The following HIBCH variants were observed in gnomAD, a reference collection of about 807,000 sequenced individuals.
HIBCH encodes the protein 3-hydroxyisobutyryl-CoA hydrolase, mitochondrial.
A neutral mutation model predicts 58.2 loss-of-function variants in HIBCH; 50 were observed. That is an observed-to-expected ratio of 0.86 (90% CI 0.68 to 1.09). The LOEUF (loss-of-function observed/expected upper bound fraction) is 1.09, where lower values mean the gene tolerates loss of function less well. Ranked by LOEUF, HIBCH falls within the 50% of genes least tolerant of loss-of-function variation. The pLI is 0.00. For missense variants in HIBCH, 450 were observed against 449.7 expected (o/e 1.00, Z -0.01); for synonymous variants, 151 against 146.9 (o/e 1.03, Z -0.20).
At chr2:190,195,967 TATGG>T (rs1336003417) in intron 1 of HIBCH, among the ~76,000 whole-genome samples, 1 of 97,190 alleles carries the variant, frequency 1.0e-5, no homozygotes, top group Non-Finnish European at 2.4e-5. Context: ...TTTTTTGGCA[TATGG>T]ATGATTTGTT....
At chr2:190,199,728 GA>G (rs1690155214), downstream of HIBCH, 2 of 1,488,846 alleles carry the variant, frequency 1.3e-6, no homozygotes, top group Non-Finnish European at 1.8e-6. Flanking sequence ...TGGTGAAAGG[GA>G]ACATTGATTA....
At chr2:190,255,848 AGT>A (rs374897608) in intron 7 of HIBCH, among the ~76,000 whole-genome samples, 19 of 151,066 alleles carry the variant, frequency 1.3e-4, no homozygotes, top group South Asian at 1.0e-3. Flanking sequence ...AGAGAGAGAG[AGT>A]GTGTGTGTGT....
intron 1 of HIBCH, among the ~76,000 whole-genome samples, chr2:190,195,451 G>C (rs1488826118): frequency 6.6e-6 from 1 of 152,196 alleles, no homozygotes; most frequent in Non-Finnish European, 1.5e-5. Context: ...CAGTGAATGA[G>C]AGTTCTGTTG....
chr2:190,207,065 T>C lies in HIBCH; in HGVS notation c.1045+1815A>G, dbSNP rs1690409173. Among the ~76,000 whole-genome samples the C allele has an allele frequency of 6.6e-6, 1 of 152,136 alleles. No homozygotes were observed. Among genetic ancestry groups the C allele is most frequent in the Admixed American group, 6.6e-5 (1 of 15,264 alleles). On this transcript the variant is annotated intron_variant, in intron 13 of 13. Coordinates refer to ENST00000359678, the MANE Select transcript of HIBCH (RefSeq NM_014362.4). This position sits in a 1 kb window ranked among gnomAD's most constrained non-coding sequence, Gnocchi z 4.5. Reference sequence around the variant, plus strand: ...TGAACCCGGGAGGCGGAGTTTGCAGTGAGCCGAGATTTTGCCACTGCTCTC... The same window carrying C: ...TGAACCCGGGAGGCGGAGTTTGCAGCGAGCCGAGATTTTGCCACTGCTCTC...
chr2:190,241,455 G>C (rs2105929914), intron 11 of HIBCH, among the ~76,000 whole-genome samples: 1 of 152,266 alleles, frequency 6.6e-6, no homozygotes, highest in South Asian at 2.1e-4. Context: ...GGTGCATTTA[G>C]CCCATTTACA....
intron 7 of HIBCH, among the ~76,000 whole-genome samples, chr2:190,252,808 G>A (rs1686811916): frequency 6.6e-6 from 1 of 152,120 alleles, no homozygotes; most frequent in South Asian, 2.1e-4. Flanking sequence ...CCTACTAAAT[G>A]AACAGGTTTA....
rs1332915547 is a variant in HIBCH, at chr2:190,281,993, A to G, written c.438+5593T>C. On this transcript the variant is annotated intron_variant, in intron 6 of 13. Coordinates refer to ENST00000359678, the MANE Select transcript of HIBCH (RefSeq NM_014362.4). The surrounding 1 kb of genome is among the most constrained non-coding windows in gnomAD (Gnocchi z 5.4). ...CATTACTGTCCATATTTCTATTAGC[A>G]TTCTGCCCATGACCACTTAAATAAT... Among the ~76,000 whole-genome samples, 1 of 152,130 alleles carries G rather than the reference A, an allele frequency of 6.6e-6. No homozygotes were observed. The highest frequency in any genetic ancestry group is 2.4e-5 in the African/African-American group (1 of 41,430).
At chr2:190,282,763 A>T (rs1437754034) in intron 6 of HIBCH, among the ~76,000 whole-genome samples, 1 of 152,096 alleles carries the variant, frequency 6.6e-6, no homozygotes. Flanking sequence ...TTCAACGGCT[A>T]TACAAGATGT....
chr2:190,297,951 C>T (rs1049758959), intron 2 of HIBCH, among the ~76,000 whole-genome samples: 17 of 150,578 alleles, frequency 1.1e-4, no homozygotes, highest in African/African-American at 4.2e-4. Context: ...TTCCTTTCCC[C>T]GTGTCTGTGT....
intron 11 of HIBCH, among the ~76,000 whole-genome samples, chr2:190,226,734 C>A (rs572896885): frequency 7.0e-4 from 107 of 152,134 alleles, no homozygotes; most frequent in South Asian, 1.0e-3. Flanking sequence ...GCAAAGTCTC[C>A]GGATACAAAA....
intron 6 of HIBCH, among the ~76,000 whole-genome samples, chr2:190,272,512 T>C (rs1320798745): frequency 6.6e-6 from 1 of 152,126 alleles, no homozygotes; most frequent in African/African-American, 2.4e-5. Context: ...CAAACCAACA[T>C]GGTCAGGGCA....
At position 190,207,025 on chromosome 2, in the gene HIBCH, G is replaced by A. The variant is rs1261671895; in HGVS notation, c.1046-1793C>T. On this transcript the variant is annotated intron_variant, in intron 13 of 13. Transcript: ENST00000359678. This position sits in a 1 kb window ranked among gnomAD's most constrained non-coding sequence, Gnocchi z 4.5. ...TAGTCCCAGCTACTCGGGAGGCTGA[G>A]GCAGGAGAATGGTGTGAACCCGGGA... is the stretch of plus-strand genomic sequence containing the variant. Among the ~76,000 whole-genome samples, 1 of 152,104 alleles carries A rather than the reference G, an allele frequency of 6.6e-6. No homozygotes were observed. Among genetic ancestry groups the A allele is most frequent in the Non-Finnish European group, 1.5e-5 (1 of 68,020 alleles).
In HIBCH at chr2:190,266,322, G is replaced by A. The variant is rs139996032; in HGVS notation, c.439-5088C>T. ...ATGTGCATGAAAATATACGTACTCA[G>A]TATGTCTCTGTTTTATCTGTTATTG... On this transcript the variant is annotated intron_variant, in intron 6 of 13. Transcript: ENST00000359678. Among the ~76,000 whole-genome samples, 119 of 152,304 alleles carry A rather than the reference G, an allele frequency of 7.8e-4. 3 individuals are homozygous for A. In the East Asian group the frequency reaches 0.012, roughly 15 times the overall value.
chr2:190,221,855 A>AG (rs1685728300), intron 11 of HIBCH, among the ~76,000 whole-genome samples: 1 of 152,198 alleles, frequency 6.6e-6, no homozygotes, highest in South Asian at 2.1e-4. Context: ...GCCAGACTCC[A>AG]GGGGAAGATT....
At chr2:190,308,835 G>C (rs879743406) in intron 2 of HIBCH, among the ~76,000 whole-genome samples, 2 of 152,190 alleles carry the variant, frequency 1.3e-5, no homozygotes, top group Non-Finnish European at 2.9e-5. Context: ...AGGCACAGTT[G>C]CAATAGTTAC....
chr2:190,235,201 G>A (rs1170102785), intron 11 of HIBCH, among the ~76,000 whole-genome samples: 1 of 152,218 alleles, frequency 6.6e-6, no homozygotes, highest in African/African-American at 2.4e-5. Flanking sequence ...AGAGCAAGGA[G>A]GAAGAGGTAA....
chr2:190,291,243 G>A (rs886077854), intron 4 of HIBCH, among the ~76,000 whole-genome samples: 1 of 152,126 alleles, frequency 6.6e-6, no homozygotes, highest in African/African-American at 2.4e-5. Context: ...ACCAAGTAAT[G>A]TTTTAGGTGT....
chr2:190,252,289 C>T lies in HIBCH; in HGVS notation c.536G>A (p.Gly179Asp), dbSNP rs747244451. 9.9e-6 allele frequency: 16 copies of T among 1,612,926 alleles called. No homozygotes were observed. Among genetic ancestry groups the T allele is most frequent in the Admixed American group, 1.7e-5 (1 of 59,984 alleles). Residue 179 changes from glycine (G) to aspartate (D), a missense_variant, in exon 8 of 14, where the codon GGT (glycine) becomes GAT (aspartate). By Grantham distance (94) the Gly-to-Asp change is moderately conservative. Transcript: ENST00000359678. ...ETAIGLFPDVGGGYFLPRLQG... is the reference protein window; with the variant it reads ...ETAIGLFPDVDGGYFLPRLQG... ...GAGTCGTGGCAAGAAATAACCTCCACCCACATCAGGGAACAGTCCTGTAAT... is the reference window on the plus strand; with the variant it reads ...GAGTCGTGGCAAGAAATAACCTCCATCCACATCAGGGAACAGTCCTGTAAT...
chr2:190,308,695 G>T (rs533804629), intron 2 of HIBCH, among the ~76,000 whole-genome samples: 3 of 152,236 alleles, frequency 2.0e-5, no homozygotes, highest in South Asian at 4.2e-4. Context: ...GTAACGATAA[G>T]AAATAAATTC....
Sources: allele counts gnomAD v4.1 joint callset (sites outside exome capture counted in the v4.1 genomes callset), GRCh38; gene constraint gnomAD v4.1.1; non-coding constraint Gnocchi (gnomAD v3.1); transcripts MANE v1.5; gene names NCBI Gene and HGNC (gene_info 2026-07-23, HGNC 2026-07-21).